The following HKDC1 variants were observed in gnomAD, a reference collection of about 807,000 sequenced individuals.
HKDC1 encodes hexokinase domain containing 1, also known as hexokinase HKDC1.
Under a neutral mutation model 96.6 loss-of-function variants are expected in HKDC1, and 66 were observed. That is an observed-to-expected ratio of 0.68 (90% CI 0.56 to 0.84). The LOEUF is 0.84. HKDC1 is among the 40% of genes least tolerant of loss of function. HKDC1 has a pLI of 0.00. For synonymous variants in HKDC1, 466 were observed against 473.1 expected, an observed-to-expected ratio of 0.98 and a Z score of 0.20; for missense variants, 1,211 against 1,208.1, an observed-to-expected ratio of 1.00 and a Z score of -0.04.
chr10:69,266,512 A>G, intron 17 of HKDC1, 98 bp from the exon 18 acceptor site: 1 of 1,374,862 alleles, frequency 7.3e-7, no homozygotes, highest in Non-Finnish European at 9.9e-7. Flanking sequence ...TGAAAAGCAA[A>G]CCAAAGGGAA....
intron 5 of HKDC1, among the ~76,000 whole-genome samples, chr10:69,239,766 CT>C (rs33937984): frequency 7.7e-4 from 98 of 126,634 alleles, no homozygotes; most frequent in African/African-American, 1.3e-3. Flanking sequence ...TTTCATTTTA[CT>C]TTTTTTTTTT....
At chr10:69,236,960 C>T (rs190181441) in intron 4 of HKDC1, among the ~76,000 whole-genome samples, 1 of 152,164 alleles carries the variant, frequency 6.6e-6, no homozygotes, top group Non-Finnish European at 1.5e-5. Flanking sequence ...TGAATGTGGC[C>T]TCATCTGGCA....
chr10:69,220,762 A>C (rs369066336), intron 1 of HKDC1, among the ~76,000 whole-genome samples: 76 of 152,272 alleles, frequency 5.0e-4, no homozygotes, highest in African/African-American at 1.6e-3. Context: ...GGGTGTTTGG[A>C]AAGCTTGAAG....
At chr10:69,250,161 C>T (rs762445988) in intron 10 of HKDC1, 129 bp from the exon 11 acceptor site, 38 of 1,050,050 alleles carry the variant, frequency 3.6e-5, no homozygotes, top group African/African-American at 4.8e-5. Flanking sequence ...GTGGCCCCCA[C>T]GACCCTCTGG....
In HKDC1 at chr10:69,243,244, G is replaced by A. The variant is rs138980146; in HGVS notation, c.754G>A (p.Glu252Lys). ...CAACATTGACCTGGTGGAGGGCGACGAGGGCAGGATGTGCATCAACACAGA... is the reference window on the plus strand; with the variant it reads ...CAACATTGACCTGGTGGAGGGCGACAAGGGCAGGATGTGCATCAACACAGA... The part of the protein sequence containing the change: ...MSNIDLVEGD[E>K]GRMCINTEWG... The change falls in exon 7 of 18, where the codon GAG (glutamate) becomes AAG (lysine). Residue 252 changes from glutamate to lysine, a missense_variant. By Grantham distance (56) the Glu-to-Lys change is moderately conservative. Transcript: ENST00000354624. 2.5e-5 allele frequency: 40 copies of A among 1,614,074 alleles called. No individual in the cohort carries two copies. The highest frequency in any genetic ancestry group is 3.3e-5 in the Non-Finnish European group (39 of 1,180,032).
intron 7 of HKDC1, 80 bp downstream of exon 7, chr10:69,243,445 C>A: frequency 7.9e-7 from 1 of 1,263,732 alleles, no homozygotes; most frequent in Non-Finnish European, 1.1e-6. Flanking sequence ...ACCTGGGAGG[C>A]TTTCCAGTTG....
chr10:69,261,425 C>A, intron 16 of HKDC1, 131 bp downstream of exon 16: 1 of 753,332 alleles, frequency 1.3e-6, no homozygotes, highest in Non-Finnish European at 2.1e-6. Context: ...CCTCCTGGGG[C>A]TGCTCTTCTC....
At chr10:69,234,392 G>A (rs1843329131) in intron 4 of HKDC1, among the ~76,000 whole-genome samples, 2 of 152,194 alleles carry the variant, frequency 1.3e-5, no homozygotes, top group Non-Finnish European at 2.9e-5. Context: ...TGAGCCTCTT[G>A]TTTTCTCTTT....
intron 6 of HKDC1, among the ~76,000 whole-genome samples, chr10:69,241,924 C>T (rs764271943): frequency 1.3e-5 from 2 of 152,090 alleles, no homozygotes; most frequent in African/African-American, 2.4e-5. Context: ...CCAGAGAGGT[C>T]GTGGTGCAGT....
intron 8 of HKDC1, 112 bp from the exon 9 acceptor site, chr10:69,247,248 A>T (rs1843555416): frequency 4.2e-6 from 3 of 710,800 alleles, no homozygotes; most frequent in Non-Finnish European, 7.5e-6. Context: ...ATTCTATACC[A>T]TGGACCTGCC....
chr10:69,246,029 G>A (rs1411811835), intron 7 of HKDC1, 50 bp from the exon 8 acceptor site: 6 of 1,598,890 alleles, frequency 3.8e-6, no homozygotes, highest in South Asian at 3.3e-5. Flanking sequence ...GGGAAATGAT[G>A]CAGCTTAATC....
chr10:69,247,297 T>A, intron 8 of HKDC1, 63 bp from the exon 9 acceptor site: 1 of 1,101,150 alleles, frequency 9.1e-7, no homozygotes, highest in Non-Finnish European at 1.4e-6. Flanking sequence ...AGAAGCTTGT[T>A]CCCCCAGGAG....
chr10:69,235,408 C>G (rs944481888), intron 4 of HKDC1, among the ~76,000 whole-genome samples: 2 of 151,684 alleles, frequency 1.3e-5, no homozygotes, highest in African/African-American at 2.4e-5. Flanking sequence ...GGTGACAGCG[C>G]GAGACTCTGT....
rs1439029793 is a variant in HKDC1 at position 69,243,180 on chromosome 10, A to G, written c.692-2A>G. The stretch of plus-strand genomic sequence containing the variant: ...GCATATTCTCTCTGATCCCTGGTTC[A>G]GGAACTGGCACCAATGCGTGTTACA... On this transcript the variant is annotated splice_acceptor_variant, in intron 6 of 17. Coordinates refer to ENST00000354624, the MANE Select transcript of HKDC1 (RefSeq NM_025130.4). LOFTEE classifies it high-confidence loss of function. 6.2e-7 allele frequency: 1 copy of G among 1,614,030 alleles called. No individual in the cohort carries two copies. The highest frequency in any genetic ancestry group is 1.3e-5 in the African/African-American group (1 of 74,938).
intron 12 of HKDC1, among the ~76,000 whole-genome samples, chr10:69,255,930 AC>A (rs1173167985): frequency 1.0e-4 from 15 of 145,504 alleles, no homozygotes; most frequent in East Asian, 2.0e-4. Flanking sequence ...AAAAAAAAAA[AC>A]AAAAAAAACC....
In HKDC1 at chr10:69,248,498, G is replaced by A. The variant is rs539551107; in HGVS notation, c.1340G>A (p.Ser447Asn). 1.4e-5 allele frequency: 23 copies of A among 1,610,996 alleles called. No individual in the cohort carries two copies. Among genetic ancestry groups the A allele is most frequent in the Non-Finnish European group, 1.8e-5 (21 of 1,177,754 alleles). Residue 447 changes from serine to asparagine, a missense_variant, in exon 10 of 18, where the codon AGT (serine) becomes AAT (asparagine). By Grantham distance (46) the Ser-to-Asn change is conservative. Transcript: ENST00000354624. ...GATGTCCGCTTCCTCCTGTCAGAGA[G>A]TGGCAGCACCAAGGGGGCCGCCATG... is the stretch of plus-strand genomic sequence containing the variant. ...SCDVRFLLSE[S>N]GSTKGAAMVT...
intron 1 of HKDC1, chr10:69,226,070 C>A (rs1227959952): frequency 6.6e-6 from 1 of 152,220 alleles, no homozygotes; most frequent in Non-Finnish European, 1.5e-5. Context: ...CTGCCCCCAT[C>A]AATAATCCAT....
intron 6 of HKDC1, among the ~76,000 whole-genome samples, chr10:69,242,210 G>A (rs1299281256): frequency 1.3e-5 from 2 of 152,144 alleles, no homozygotes; most frequent in South Asian, 2.1e-4. Flanking sequence ...GTTTCCAGGA[G>A]CCTCAGAATG....
rs1449338509 is a variant in HKDC1 at position 69,227,214 on chromosome 10, G to T, written c.71G>T (p.Arg24Met). 3 of 1,614,174 alleles carry T rather than the reference G, an allele frequency of 1.9e-6. No homozygotes were observed. Among genetic ancestry groups the T allele is most frequent in the Non-Finnish European group, 2.5e-6 (3 of 1,180,030 alleles). The part of the protein sequence containing the change: ...LKEDQIKKVD[R>M]FLYHMRLSDD... ...GGCCGGTGTCTGTTCCAGGTGGACA[G>T]GTTCCTGTATCACATGCGGCTCTCC... The change falls in exon 2 of 18, where the codon AGG becomes ATG. Residue 24 changes from arginine (R) to methionine (M), a missense_variant. Arg to Met is a moderately conservative substitution (Grantham distance 91). Transcript: ENST00000354624.
Sources: gnomAD v4.1 joint callset for allele counts (sites outside exome capture counted in the v4.1 genomes callset) on GRCh38, gnomAD v4.1.1 for gene constraint, MANE v1.5 for transcripts, NCBI Gene and HGNC (gene_info 2026-07-23, HGNC 2026-07-21) for gene names.